CLYBL: variants seen among roughly 807,000 people sequenced by gnomAD.
CLYBL encodes citramalyl-CoA lyase, mitochondrial.
Under a neutral mutation model 38.9 loss-of-function variants are expected in CLYBL, and 31 were observed. The ratio of observed to expected loss-of-function variants is 0.80; its 90% confidence interval spans 0.60 to 1.08. The LOEUF (loss-of-function observed/expected upper bound fraction) is 1.08, where lower values mean the gene tolerates loss of function less well. CLYBL is among the 50% of genes least tolerant of loss of function. The pLI, the probability that CLYBL is intolerant of heterozygous loss-of-function variation, is 0.00. For synonymous variants in CLYBL, 171 were observed against 158.6 expected (o/e 1.08, Z -0.59); for missense variants, 434 against 411.6 (o/e 1.05, Z -0.47).
chr13:99,833,351 A>G (rs529942018), intron 2 of CLYBL, among the ~76,000 whole-genome samples: 1 of 151,778 alleles, frequency 6.6e-6, no homozygotes, highest in Admixed American at 6.6e-5. Context: ...AGTAGTTTAT[A>G]TTTTTATTCC....
At chr13:99,847,554 G>A (rs2051234984) in intron 2 of CLYBL, among the ~76,000 whole-genome samples, 1 of 152,164 alleles carries the variant, frequency 6.6e-6, no homozygotes, top group African/African-American at 2.4e-5. Context: ...CTGAGCCCGG[G>A]CTAAGCGAGA....
intron 2 of CLYBL, among the ~76,000 whole-genome samples, chr13:99,783,670 C>CT (rs1268708760): frequency 1.3e-5 from 2 of 152,012 alleles, no homozygotes; most frequent in Non-Finnish European, 2.9e-5. Context: ...TGGTCTTGAT[C>CT]TCCTGACCTT....
At chr13:99,704,813 T>C (rs1227024142) in intron 1 of CLYBL, among the ~76,000 whole-genome samples, 1 of 152,210 alleles carries the variant, frequency 6.6e-6, no homozygotes, top group East Asian at 1.9e-4. Context: ...GCAGACGGAC[T>C]TCTTTCATAT....
intron 1 of CLYBL, among the ~76,000 whole-genome samples, chr13:99,668,204 G>T (rs537270986): frequency 6.6e-6 from 1 of 151,766 alleles, no homozygotes; most frequent in Non-Finnish European, 1.5e-5. Context: ...AGCCCAGGAG[G>T]CAGAGGTTGC....
intron 1 of CLYBL, among the ~76,000 whole-genome samples, chr13:99,644,979 T>G (rs1015938994): frequency 5.3e-5 from 8 of 152,246 alleles, no homozygotes; most frequent in African/African-American, 1.9e-4. Flanking sequence ...GCAATAAACA[T>G]GGGAGTGCAG....
At chr13:99,755,654 C>A (rs1298990454) in intron 1 of CLYBL, among the ~76,000 whole-genome samples, 1 of 152,204 alleles carries the variant, frequency 6.6e-6, no homozygotes, top group African/African-American at 2.4e-5. Flanking sequence ...CCTTCTCTGC[C>A]TGAGCAATCT....
At position 99,770,585 on chromosome 13, in the gene CLYBL, A is replaced by G. The variant is rs148914515; in HGVS notation, c.63-2239A>G. ...GCCCGTCTCGGCCTCCCAAAGTGCT[A>G]GGATTACAGGCGTGAGCCACCGCGC... On this transcript the variant is annotated intron_variant, in intron 1 of 8. Transcript: ENST00000339105. 6.1e-4 allele frequency among the ~76,000 whole-genome samples: 92 copies of G among 152,016 alleles called. No individual in the cohort carries two copies. In the East Asian group the frequency reaches 0.016, roughly 27 times the overall value.
intron 1 of CLYBL, among the ~76,000 whole-genome samples, chr13:99,696,748 C>T (rs2047985546): frequency 6.6e-6 from 1 of 150,576 alleles, no homozygotes. Flanking sequence ...AGTTCAAGAC[C>T]AGCCTGGGCA....
At chr13:99,743,456 G>A (rs747531719) in intron 1 of CLYBL, among the ~76,000 whole-genome samples, 4 of 152,182 alleles carry the variant, frequency 2.6e-5, no homozygotes, top group African/African-American at 7.2e-5. Flanking sequence ...GACAAGAACC[G>A]CTCTTGACTG....
chr13:99,650,291 G>T (rs1319297365), intron 1 of CLYBL, among the ~76,000 whole-genome samples: 2 of 151,928 alleles, frequency 1.3e-5, no homozygotes, highest in Non-Finnish European at 2.9e-5. Context: ...GTATGGTGGC[G>T]CACACCTGTA....
At chr13:99,814,866 A>T (rs920449983) in intron 2 of CLYBL, among the ~76,000 whole-genome samples, 8 of 152,152 alleles carry the variant, frequency 5.3e-5, no homozygotes, top group Non-Finnish European at 1.2e-4. Flanking sequence ...CCTCATCTCT[A>T]CAAAAAATCA....
At chr13:99,759,380 A>T (rs1367845656) in intron 1 of CLYBL, among the ~76,000 whole-genome samples, 1 of 152,180 alleles carries the variant, frequency 6.6e-6, no homozygotes, top group African/African-American at 2.4e-5. Context: ...GGAGAGAGGG[A>T]ATAAAAATTA....
intron 1 of CLYBL, among the ~76,000 whole-genome samples, chr13:99,615,443 A>G (rs2046694253): frequency 6.6e-6 from 1 of 152,258 alleles, no homozygotes; most frequent in Admixed American, 6.5e-5. Context: ...ACATATAAAA[A>G]GTTGTTAATT....
At chr13:99,864,952 T>G (rs1376054404) in intron 5 of CLYBL, 41 bp downstream of exon 5, 2 of 1,296,362 alleles carry the variant, frequency 1.5e-6, no homozygotes, top group African/African-American at 2.9e-5. Flanking sequence ...TGTGTGTGTG[T>G]GTGTATATGT....
chr13:99,675,568 T>C (rs1472264266), intron 1 of CLYBL, among the ~76,000 whole-genome samples: 1 of 152,202 alleles, frequency 6.6e-6, no homozygotes, highest in Non-Finnish European at 1.5e-5. Context: ...ACTAGTCTAC[T>C]TTCTGTCTTT....
At position 99,819,438 on chromosome 13, in the gene CLYBL, ATATATATATATATATATATATATAT is replaced by A. The variant is rs1566340101; in HGVS notation, c.250-39422_250-39398del. On this transcript the variant is annotated intron_variant, in intron 2 of 8. Transcript: ENST00000339105. ...AATTTATATATATATATATATATAT[ATATATATATATATATATATATATAT>A]ATATAATATTTGTCAGGGTTGTCTG... 1.4e-4 allele frequency among the ~76,000 whole-genome samples: 15 copies of A among 104,974 alleles called. 1 individual carries two copies. Among genetic ancestry groups the A allele is most frequent in the African/African-American group, 4.0e-4 (11 of 27,700 alleles). The allele number at this position is 104,974 out of a possible 152,430, so 68.9% of individuals were successfully genotyped here.
intron 2 of CLYBL, among the ~76,000 whole-genome samples, chr13:99,827,166 A>G (rs1250873908): frequency 6.6e-6 from 1 of 152,146 alleles, no homozygotes; most frequent in East Asian, 1.9e-4. Flanking sequence ...TCCGTGAGTC[A>G]TTTACCACAG....
chr13:99,709,562 T>C (rs1254682450), intron 1 of CLYBL, among the ~76,000 whole-genome samples: 2 of 152,180 alleles, frequency 1.3e-5, no homozygotes, highest in Non-Finnish European at 2.9e-5. Flanking sequence ...CAAGAAGAGG[T>C]GCTCCAGAAG....
intron 1 of CLYBL, among the ~76,000 whole-genome samples, chr13:99,718,373 AG>A (rs1326509589): frequency 2.0e-5 from 3 of 149,072 alleles, no homozygotes; most frequent in Non-Finnish European, 2.9e-5. Flanking sequence ...ATTAAAAAAA[AG>A]AAAAAAAAAA....
Sources: gnomAD v4.1 joint callset for allele counts (sites outside exome capture counted in the v4.1 genomes callset) on GRCh38, gnomAD v4.1.1 for gene constraint, MANE v1.5 for transcripts, NCBI Gene and HGNC (gene_info 2026-07-23, HGNC 2026-07-21) for gene names.